The following GAA variants were observed in gnomAD, a reference collection of about 807,000 sequenced individuals.
GAA encodes the protein lysosomal alpha-glucosidase.
In GAA, 88 loss-of-function variants were observed where a neutral mutation model predicts 103.9. The observed-to-expected ratio is 0.85, with a 90% CI of 0.71 to 1.01. The LOEUF (loss-of-function observed/expected upper bound fraction) is 1.01, where lower values mean the gene tolerates loss of function less well. Among genes scored for constraint, GAA ranks in the 50% least tolerant of loss-of-function variants. The pLI, the probability that GAA is intolerant of heterozygous loss-of-function variation, is 0.00. For synonymous variants in GAA, 572 were observed against 563.1 expected (o/e 1.02, Z -0.22); for missense variants, 1,350 against 1,305.3 (o/e 1.03, Z -0.53).
rs753159224 is a variant in GAA, at chr17:80,105,133, G to GTGGGC, written c.546+2_546+6dup. On this transcript the variant is annotated splice_donor_variant, in intron 2 of 19. Coordinates refer to ENST00000302262, the MANE Select transcript of GAA (RefSeq NM_000152.5). LOFTEE classifies it high-confidence loss of function. ...GACTGAGAACCGCCTCCACTTCACG[G>GTGGGC]TGGGCAGGGCAGGGGCGGGGGCGGC... The GTGGGC allele has an allele frequency of 2.5e-6, 4 of 1,603,922 alleles. No individual in the cohort carries two copies. In the African/African-American group the frequency reaches 5.3e-5, roughly 21 times the overall value.
At chr17:80,114,426 T>C (rs547030437) in intron 15 of GAA, among the ~76,000 whole-genome samples, 8,523 of 152,004 alleles carry the variant, frequency 0.056, 477 homozygotes, top group South Asian at 0.15. Flanking sequence ...TACACTTTTT[T>C]TTTTTTTTTT....
rs778132082 is a variant in GAA at position 80,105,751 on chromosome 17, C to G, written c.549C>G (p.Ile183Met). ...METENRLHFT[I>M]KDPANRRYEV... Reference sequence around the variant, plus strand: ...CAATAAACCCCCATCTCTTCTAGATCAAAGATCCAGCTAACAGGCGCTACG... The same window carrying G: ...CAATAAACCCCCATCTCTTCTAGATGAAAGATCCAGCTAACAGGCGCTACG... The change falls in exon 3 of 20, where the codon ATC becomes ATG. Residue 183 changes from isoleucine (I) to methionine (M), a missense_variant and splice_region_variant. Physicochemically the swap from Ile to Met is conservative, Grantham distance 10 (BLOSUM62 1). Coordinates refer to ENST00000302262, the MANE Select transcript of GAA (RefSeq NM_000152.5). 3.7e-6 allele frequency: 6 copies of G among 1,612,156 alleles called. No individual in the cohort carries two copies. Among genetic ancestry groups the G allele is most frequent in the Non-Finnish European group, 5.1e-6 (6 of 1,179,940 alleles).
intron 16 of GAA, 99 bp from the exon 17 acceptor site, chr17:80,117,501 C>A: frequency 2.1e-6 from 3 of 1,405,246 alleles, no homozygotes; most frequent in Non-Finnish European, 3.0e-6. Flanking sequence ...GCCTCCTAGG[C>A]CTCCACGTGG....
chr17:80,107,408 G>T, intron 3 of GAA, 149 bp from the exon 4 acceptor site: 1 of 1,025,238 alleles, frequency 9.8e-7, no homozygotes, highest in Non-Finnish European at 1.5e-6. Context: ...GGCTCGGCAC[G>T]GCCGCCTGTC....
In GAA at chr17:80,112,921, A is replaced by G; in HGVS notation, c.1934A>G (p.Asp645Gly). The G allele has an allele frequency of 6.2e-7, 1 of 1,610,728 alleles. No homozygotes were observed. The highest frequency in any genetic ancestry group is 1.7e-5 in the Admixed American group (1 of 59,750). Residue 645 changes from aspartate to glycine, a missense_variant, in exon 14 of 20, where the codon GAC becomes GGC. Coordinates refer to ENST00000302262, the MANE Select transcript of GAA (RefSeq NM_000152.5). ...NLLGVPLVGADVCGFLGNTSE... is the reference protein window; with the variant it reads ...NLLGVPLVGAGVCGFLGNTSE... ...CTGGGGGTGCCTCTGGTCGGGGCCG[A>G]CGTCTGCGGCTTCCTGGGCAACACC...
intron 9 of GAA, among the ~76,000 whole-genome samples, chr17:80,110,513 C>T (rs1353032484): frequency 6.6e-6 from 1 of 152,246 alleles, no homozygotes; most frequent in African/African-American, 2.4e-5. Flanking sequence ...GGTGACCCCT[C>T]GTTTTCCCAG....
intron 19 of GAA, 116 bp from the exon 20 acceptor site, chr17:80,119,156 G>A: frequency 9.4e-7 from 1 of 1,058,798 alleles, no homozygotes; most frequent in Non-Finnish European, 1.5e-6. Flanking sequence ...TGCCCCCTGA[G>A]CGCCGGGCCT....
Position 80,118,686 on chromosome 17 carries a change from A to G in GAA, c.2680A>G (p.Ser894Gly). The change falls in exon 19 of 20, where the codon AGT (serine) becomes GGT (glycine). Residue 894 changes from serine (S) to glycine (G), a missense_variant. By Grantham distance (56) the Ser-to-Gly change is moderately conservative. Transcript: ENST00000302262. ...TIVNELVRVT[S>G]EGAGLQLQKV... Reference sequence around the variant, plus strand: ...CGTGAATGAGCTGGTACGTGTGACCAGTGAGGGAGCTGGCCTGCAGCTGCA... The same window carrying G: ...CGTGAATGAGCTGGTACGTGTGACCGGTGAGGGAGCTGGCCTGCAGCTGCA... The G allele has an allele frequency of 1.2e-6, 2 of 1,612,936 alleles. No individual in the cohort carries two copies. Among genetic ancestry groups the G allele is most frequent in the Non-Finnish European group, 1.7e-6 (2 of 1,179,960 alleles).
At position 80,107,669 on chromosome 17, in the gene GAA, C is replaced by T; in HGVS notation, c.805C>T (p.Leu269Phe). The T allele has an allele frequency of 1.9e-6, 3 of 1,613,058 alleles. No homozygotes were observed. The highest frequency in any genetic ancestry group is 2.2e-5 in the East Asian group (1 of 44,878). ...GLAEHLSPLM[L>F]STSWTRITLW... ...CGCCGAGCACCTCAGTCCCCTGATG[C>T]TCAGCACCAGCTGGACCAGGATCAC... The change falls in exon 4 of 20, where the codon CTC becomes TTC. Residue 269 changes from leucine to phenylalanine, a missense_variant. Leu to Phe is a conservative substitution (Grantham distance 22). Coordinates refer to ENST00000302262, the MANE Select transcript of GAA (RefSeq NM_000152.5).
intron 12 of GAA, 125 bp from the exon 13 acceptor site, chr17:80,112,453 C>A: frequency 8.1e-7 from 1 of 1,235,608 alleles, no homozygotes; most frequent in Non-Finnish European, 1.2e-6. Flanking sequence ...GTAGCCTCGC[C>A]GTCCTCCTCC....
At position 80,107,728 on chromosome 17, in the gene GAA, G is replaced by T. The variant is rs765295893; in HGVS notation, c.858+6G>T. The T allele has an allele frequency of 2.0e-6, 3 of 1,475,556 alleles. No homozygotes were observed. The South Asian group carries it at 3.5e-5, about 17-fold the overall frequency. 91.4% of individuals were successfully genotyped at this position (1,475,556 alleles called of 1,614,324 possible). A position where few individuals can be genotyped will look rare whatever the true frequency, so the allele number is the denominator to read the frequency against. ...ACCGGGACCTTGCGCCCACGGTACAGCGGCGGGCGGCGGGCGGGGGCACTG... is the reference window on the plus strand; with the variant it reads ...ACCGGGACCTTGCGCCCACGGTACATCGGCGGGCGGCGGGCGGGGGCACTG... On this transcript the variant is annotated splice_donor_region_variant and intron_variant, in intron 4 of 19. Coordinates refer to ENST00000302262, the MANE Select transcript of GAA (RefSeq NM_000152.5).
At chr17:80,105,637 T>C in intron 2 of GAA, 112 bp from the exon 3 acceptor site, 1 of 1,283,940 alleles carries the variant, frequency 7.8e-7, no homozygotes, top group Non-Finnish European at 1.1e-6. Context: ...CTGCCCATGG[T>C]CCCACATCCA....
At chr17:80,115,330 T>C (rs906043169) in intron 15 of GAA, among the ~76,000 whole-genome samples, 7 of 152,140 alleles carry the variant, frequency 4.6e-5, no homozygotes, top group Non-Finnish European at 1.0e-4. Context: ...ACTGATTCTT[T>C]TTTCCACCAG....
In GAA at chr17:80,118,228, G is replaced by A; in HGVS notation, c.2517G>A (p.Gln839=). 4 of 1,612,910 alleles carry A rather than the reference G, an allele frequency of 2.5e-6. No individual in the cohort carries two copies. The highest frequency in any genetic ancestry group is 1.3e-5 in the African/African-American group (1 of 74,920). Residue 839 remains glutamine, a synonymous_variant, in exon 18 of 20, where the codon CAG becomes CAA. Coordinates refer to ENST00000302262, the MANE Select transcript of GAA (RefSeq NM_000152.5). ...TCACAACCACAGAGTCCCGCCAGCA[G>A]CCCATGGCCCTGGCTGTGGCCCTGA... ...PGLTTTESRQ[Q]PMALAVALTK...
At chr17:80,114,032 A>G (rs2039309684) in intron 15 of GAA, among the ~76,000 whole-genome samples, 1 of 151,800 alleles carries the variant, frequency 6.6e-6, no homozygotes, top group Non-Finnish European at 1.5e-5. Flanking sequence ...AAGCTGTGAA[A>G]GACTCCACAG....
At chr17:80,114,319 G>A (rs535922015) in intron 15 of GAA, among the ~76,000 whole-genome samples, 2 of 152,174 alleles carry the variant, frequency 1.3e-5, no homozygotes, top group South Asian at 4.2e-4. Context: ...TGCAAAACAG[G>A]AGATACGAAT....
At chr17:80,117,264 C>T (rs2143921824) in intron 16 of GAA, among the ~76,000 whole-genome samples, 155 bp downstream of exon 16, 1 of 152,272 alleles carries the variant, frequency 6.6e-6, no homozygotes, top group East Asian at 1.9e-4. Context: ...CTGCTCCGCA[C>T]CCATCAGCCT....
chr17:80,112,694 T>C lies in GAA; in HGVS notation c.1871T>C (p.Leu624Pro), dbSNP rs2039267331. Residue 624 changes from leucine (L) to proline (P), a missense_variant, in exon 13 of 20, where the codon CTC becomes CCC. By Grantham distance (98) the Leu-to-Pro change is moderately conservative. Transcript: ENST00000302262. Reference protein sequence around the residue: ...TGDVWSSWEQLASSVPEILQF... With the variant: ...TGDVWSSWEQPASSVPEILQF... Reference sequence around the variant, plus strand: ...GACGTGTGGAGCTCCTGGGAGCAGCTCGCCTCCTCCGTGCCAGGTGAGCTC... The same window carrying C: ...GACGTGTGGAGCTCCTGGGAGCAGCCCGCCTCCTCCGTGCCAGGTGAGCTC... 6.2e-7 allele frequency: 1 copy of C among 1,609,590 alleles called. No individual in the cohort carries two copies. Among genetic ancestry groups the C allele is most frequent in the African/African-American group, 1.3e-5 (1 of 74,874 alleles).
Position 80,113,202 on chromosome 17 carries a change from C to G in GAA, c.2041-16C>G. On this transcript the variant is annotated splice_polypyrimidine_tract_variant and intron_variant, in intron 14 of 19. Coordinates refer to ENST00000302262, the MANE Select transcript of GAA (RefSeq NM_000152.5). ...CCAGCACCCAAGTGCTTCCTTTGCC[C>G]CCGCCTGCCCTGCAGCCCCAGGAGC... 1.3e-6 allele frequency: 2 copies of G among 1,585,152 alleles called. No individual in the cohort carries two copies. The highest frequency in any genetic ancestry group is 1.7e-6 in the Non-Finnish European group (2 of 1,168,494).
Sources: allele counts gnomAD v4.1 joint callset (sites outside exome capture counted in the v4.1 genomes callset), GRCh38; gene constraint gnomAD v4.1.1; transcripts MANE v1.5; gene names NCBI Gene and HGNC (gene_info 2026-07-23, HGNC 2026-07-21).